AFAP1L2: variants seen among roughly 807,000 people sequenced by gnomAD.
AFAP1L2 encodes the protein actin filament associated protein 1 like 2.
Under a neutral mutation model 99.3 loss-of-function variants are expected in AFAP1L2, and 46 were observed. That is an observed-to-expected ratio of 0.46 (90% CI 0.37 to 0.59). The LOEUF (loss-of-function observed/expected upper bound fraction) is 0.59, where lower values mean the gene tolerates loss of function less well. Among genes scored for constraint, AFAP1L2 ranks in the 20% least tolerant of loss-of-function variants. AFAP1L2 has a pLI of 0.00. For missense variants in AFAP1L2, 959 were observed against 1,034.9 expected (o/e 0.93, Z 1.01); for synonymous variants, 397 against 419.1 (o/e 0.95, Z 0.64).
In AFAP1L2 at chr10:114,297,210, C is replaced by T; in HGVS notation, c.2307+10G>A. ...GCAAGCAGCCCAGAGGCCGCAGTTCCAGCACTCACGCGGGGGCTCACATTC... is the reference window on the plus strand; with the variant it reads ...GCAAGCAGCCCAGAGGCCGCAGTTCTAGCACTCACGCGGGGGCTCACATTC... On this transcript the variant is annotated intron_variant, in intron 17 of 18. Coordinates refer to ENST00000304129, the MANE Select transcript of AFAP1L2 (RefSeq NM_001001936.3). 6.3e-7 allele frequency: 1 copy of T among 1,598,368 alleles called. No individual in the cohort carries two copies. Among genetic ancestry groups the T allele is most frequent in the Non-Finnish European group, 8.5e-7 (1 of 1,170,332 alleles).
At position 114,304,885 on chromosome 10, in the gene AFAP1L2, C is replaced by T. The variant is rs762631002; in HGVS notation, c.1118G>A (p.Cys373Tyr). Reference sequence around the variant, plus strand: ...GTGCAGGTGATTGTCCCTGACAGAGCACCAGCGAGACTTCCACTGGCTGTT... The same window carrying T: ...GTGCAGGTGATTGTCCCTGACAGAGTACCAGCGAGACTTCCACTGGCTGTT... The part of the protein sequence containing the change: ...LVNSQWKSRW[C>Y]SVRDNHLHFY... Residue 373 changes from cysteine to tyrosine, a missense_variant, in exon 11 of 19, where the codon TGC (cysteine) becomes TAC (tyrosine). Coordinates refer to ENST00000304129, the MANE Select transcript of AFAP1L2 (RefSeq NM_001001936.3). 23 of 1,613,412 alleles carry T rather than the reference C, an allele frequency of 1.4e-5. No individual in the cohort carries two copies. In the South Asian group the frequency reaches 2.2e-4, roughly 15 times the overall value.
intron 1 of AFAP1L2, among the ~76,000 whole-genome samples, chr10:114,388,017 C>T (rs1036575603): frequency 3.9e-5 from 6 of 152,134 alleles, no homozygotes; most frequent in Admixed American, 2.0e-4. Context: ...TGGACAACTA[C>T]AATAGGTTTG....
chr10:114,402,159 A>G (rs2058290016), intron 1 of AFAP1L2, among the ~76,000 whole-genome samples: 1 of 152,238 alleles, frequency 6.6e-6, no homozygotes, highest in Non-Finnish European at 1.5e-5. Context: ...ATTCCTAGTT[A>G]TTCCAATAAC....
At chr10:114,331,961 C>T in intron 3 of AFAP1L2, 64 bp from the exon 4 acceptor site, 1 of 1,082,498 alleles carries the variant, frequency 9.2e-7, no homozygotes, top group East Asian at 3.2e-5. Context: ...GGTCTCCTTC[C>T]TCAGGAATGC....
chr10:114,398,866 G>A (rs199700568), intron 1 of AFAP1L2: 33 of 1,304,174 alleles, frequency 2.5e-5, no homozygotes, highest in Middle Eastern at 2.1e-4. Flanking sequence ...GAAACCTGCC[G>A]GATCCTTCTC....
chr10:114,399,348 G>T (rs2058033657), intron 1 of AFAP1L2, among the ~76,000 whole-genome samples: 2 of 152,216 alleles, frequency 1.3e-5, no homozygotes, highest in Admixed American at 1.3e-4. Context: ...GAGGCTTCCT[G>T]GATGAAGAGA....
intron 18 of AFAP1L2, chr10:114,296,287 C>T (rs937004085): frequency 3.5e-6 from 2 of 576,270 alleles, no homozygotes; most frequent in African/African-American, 3.7e-5. Flanking sequence ...AGTGATGTCT[C>T]TCACAGCAAC....
chr10:114,296,624 G>A (rs1370567943), intron 18 of AFAP1L2: 5 of 256,310 alleles, frequency 2.0e-5, no homozygotes, highest in Admixed American at 1.5e-4. Context: ...TTTAATGGTA[G>A]AAGTCCTGTG....
chr10:114,284,936 C>T, the AFAP1L2 span: 1 of 1,605,186 alleles, frequency 6.2e-7, no homozygotes, highest in East Asian at 2.3e-5. Context: ...ACCAGTGCCT[C>T]TGCCCGCTGG....
intron 1 of AFAP1L2, among the ~76,000 whole-genome samples, chr10:114,361,926 C>T (rs934311777): frequency 1.2e-4 from 19 of 152,074 alleles, no homozygotes; most frequent in African/African-American, 4.3e-4. Flanking sequence ...TATTCTTCTG[C>T]GATTCTCTAT....
chr10:114,396,407 C>T (rs1020874488), intron 1 of AFAP1L2, among the ~76,000 whole-genome samples: 5 of 152,224 alleles, frequency 3.3e-5, no homozygotes, highest in South Asian at 2.1e-4. Context: ...ACATCCTGTC[C>T]GCTGGCCTGG....
At chr10:114,289,992 CAA>C (rs35165936), downstream of AFAP1L2, 60,380 of 212,336 alleles carry the variant, frequency 0.28, 4,348 homozygotes, top group African/African-American at 0.34. Context: ...GATTCTGCCT[CAA>C]AAAAAAAAAA....
At chr10:114,397,771 C>A (rs546850956) in intron 1 of AFAP1L2, among the ~76,000 whole-genome samples, 1 of 152,150 alleles carries the variant, frequency 6.6e-6, no homozygotes, top group Non-Finnish European at 1.5e-5. Context: ...AGCTGGCTAG[C>A]CTCTCTTGCT....
intron 16 of AFAP1L2, among the ~76,000 whole-genome samples, chr10:114,298,369 CTG>C (rs1429812896): frequency 6.6e-6 from 1 of 152,122 alleles, no homozygotes; most frequent in Non-Finnish European, 1.5e-5. Flanking sequence ...CAGAGCAAGA[CTG>C]TCTCAAAAAA....
chr10:114,323,249 T>C lies in AFAP1L2; in HGVS notation c.328A>G (p.Lys110Glu), dbSNP rs1251546018. ...TCCGTCTTTGGGATGGCAAGCTGTTTCCGTTCTGGAATCTGTGGTATGAAC... is the reference window on the plus strand; with the variant it reads ...TCCGTCTTTGGGATGGCAAGCTGTTCCCGTTCTGGAATCTGTGGTATGAAC... ...LPPPKMIPER[K>E]QLAIPKTESP... Residue 110 changes from lysine (K) to glutamate (E), a missense_variant, in exon 5 of 19, where the codon AAA becomes GAA. Transcript: ENST00000304129. 6.3e-7 allele frequency: 1 copy of C among 1,596,064 alleles called. No homozygotes were observed. The highest frequency in any genetic ancestry group is 8.5e-7 in the Non-Finnish European group (1 of 1,169,946).
chr10:114,303,155 A>G (rs1479361838), intron 11 of AFAP1L2, among the ~76,000 whole-genome samples: 2 of 152,116 alleles, frequency 1.3e-5, no homozygotes, highest in African/African-American at 2.4e-5. Flanking sequence ...ATGAGAAAAA[A>G]CTGCCCATTT....
At chr10:114,290,071 G>C (rs946004020), downstream of AFAP1L2, 1 of 747,904 alleles carries the variant, frequency 1.3e-6, no homozygotes, top group Admixed American at 2.9e-5. Context: ...AGGAGAGCTG[G>C]GTCTTACTAA....
chr10:114,344,878 C>G (rs747673129), intron 1 of AFAP1L2, among the ~76,000 whole-genome samples: 33 of 152,086 alleles, frequency 2.2e-4, no homozygotes, highest in Non-Finnish European at 3.8e-4. Flanking sequence ...GGGCGGATCA[C>G]CTGAGATCAG....
chr10:114,331,730 G>C, intron 4 of AFAP1L2, 73 bp downstream of exon 4: 1 of 1,079,856 alleles, frequency 9.3e-7, no homozygotes, highest in Non-Finnish European at 1.2e-6. Context: ...TTAGTGAGCT[G>C]ACACCTGTGG....
Sources: gnomAD v4.1 joint callset for allele counts (sites outside exome capture counted in the v4.1 genomes callset) on GRCh38, gnomAD v4.1.1 for gene constraint, MANE v1.5 for transcripts, NCBI Gene and HGNC (gene_info 2026-07-23, HGNC 2026-07-21) for gene names.